Variants in PCMTD1 observed in about 807,000 individuals in gnomAD.
PCMTD1 encodes protein-L-isoaspartate (D-aspartate) O-methyltransferase domain containing 1.
PCMTD1 carries 12 observed loss-of-function variants against 37.6 expected under a neutral mutation model. That is an observed-to-expected ratio of 0.32 (90% CI 0.20 to 0.52). PCMTD1 has a LOEUF of 0.52. Ranked by LOEUF, PCMTD1 falls within the 20% of genes least tolerant of loss-of-function variation. The pLI is 0.97. For synonymous variants in PCMTD1, 117 were observed against 135.8 expected (o/e 0.86, Z 0.96); for missense variants, 235 against 421.3 (o/e 0.56, Z 3.87).
intron 2 of PCMTD1, among the ~76,000 whole-genome samples, chr8:51,857,936 G>A (rs1455441227): frequency 6.6e-6 from 1 of 152,154 alleles, no homozygotes; most frequent in African/African-American, 2.4e-5. Flanking sequence ...AAGCTGCAGT[G>A]AGCCAAGACC....
intron 3 of PCMTD1, among the ~76,000 whole-genome samples, chr8:51,838,226 C>G (rs969295724): frequency 6.6e-6 from 1 of 152,138 alleles, no homozygotes; most frequent in Non-Finnish European, 1.5e-5. Flanking sequence ...GTTCTTCACT[C>G]CTGTAATCCC....
At chr8:51,829,010 C>T (rs1281474288) in intron 5 of PCMTD1, among the ~76,000 whole-genome samples, 1 of 152,068 alleles carries the variant, frequency 6.6e-6, no homozygotes, top group African/African-American at 2.4e-5. Flanking sequence ...GGATTAAAGT[C>T]CTTTTTGTAA....
chr8:51,857,685 A>T (rs1197964155), intron 2 of PCMTD1, among the ~76,000 whole-genome samples: 4 of 152,240 alleles, frequency 2.6e-5, no homozygotes, highest in Admixed American at 6.5e-5. Context: ...AAGGAGAAGC[A>T]AACAGGACAT....
At chr8:51,885,289 G>A (rs2038850006) in intron 1 of PCMTD1, among the ~76,000 whole-genome samples, 1 of 152,086 alleles carries the variant, frequency 6.6e-6, no homozygotes. Flanking sequence ...TCGCTTCTTG[G>A]CAAAATTTTA....
chr8:51,862,979 T>A (rs2038495137), intron 1 of PCMTD1, among the ~76,000 whole-genome samples: 1 of 152,164 alleles, frequency 6.6e-6, no homozygotes, highest in Admixed American at 6.5e-5. Flanking sequence ...TCAACAGGTC[T>A]TAGCTGTGGC....
At position 51,854,959 on chromosome 8, in the gene PCMTD1, G is replaced by A. The variant is rs538756059; in HGVS notation, c.307+5886C>T. ...GGAGGCCAAGGAGGGTGGATCACCCGAAGTCGGGAGTTCGAGACGAGCCTG... is the reference window on the plus strand; with the variant it reads ...GGAGGCCAAGGAGGGTGGATCACCCAAAGTCGGGAGTTCGAGACGAGCCTG... On this transcript the variant is annotated intron_variant, in intron 2 of 5. Transcript: ENST00000522514. Among the ~76,000 whole-genome samples the A allele has an allele frequency of 2.3e-4, 35 of 151,318 alleles. No homozygotes were observed. The East Asian group carries it at 4.9e-3, about 21-fold the overall frequency.
intron 3 of PCMTD1, chr8:51,845,027 G>C (rs4565452): frequency 1.3e-5 from 2 of 152,244 alleles, no homozygotes; most frequent in African/African-American, 4.8e-5. Flanking sequence ...GGATTTCAGC[G>C]TAAGTGCTCT....
chr8:51,863,006 T>A (rs1259512075), intron 1 of PCMTD1, among the ~76,000 whole-genome samples: 1 of 149,690 alleles, frequency 6.7e-6, no homozygotes, highest in African/African-American at 2.4e-5. Context: ...ACTTGCTGAG[T>A]CCAATTGTAG....
chr8:51,886,225 C>T (rs190978133), intron 1 of PCMTD1, among the ~76,000 whole-genome samples: 30 of 152,342 alleles, frequency 2.0e-4, no homozygotes, highest in Non-Finnish European at 3.2e-4. Context: ...TATTCAAAAT[C>T]ATCATCCTCT....
intron 1 of PCMTD1, among the ~76,000 whole-genome samples, chr8:51,865,403 T>A (rs1211020906): frequency 3.9e-5 from 6 of 152,114 alleles, no homozygotes; most frequent in Non-Finnish European, 8.8e-5. Flanking sequence ...ATATCCCTGA[T>A]GAACATATCT....
chr8:51,865,194 T>A (rs951145945), intron 1 of PCMTD1, among the ~76,000 whole-genome samples: 5 of 151,980 alleles, frequency 3.3e-5, no homozygotes, highest in African/African-American at 1.2e-4. Context: ...TTAAGAAATC[T>A]CCCATCAAAG....
At chr8:51,860,611 G>C (rs2038457715) in intron 2 of PCMTD1, 1 of 402,670 alleles carries the variant, frequency 2.5e-6, no homozygotes, top group Non-Finnish European at 4.4e-6. Context: ...TTTAAGTACA[G>C]ACAATGACTA....
intron 3 of PCMTD1, among the ~76,000 whole-genome samples, chr8:51,836,774 G>A (rs11777316): frequency 0.69 from 104,534 of 152,050 alleles, 42,380 homozygotes; most frequent in Non-Finnish European, 0.9. Context: ...GAGTCTTGCT[G>A]TGTTGCCCAG....
In PCMTD1 at chr8:51,820,084, A is replaced by G. The variant is rs1227106967; in HGVS notation, c.*267T>C. 5 of 249,954 alleles carry G rather than the reference A, an allele frequency of 2.0e-5. No homozygotes were observed. Among genetic ancestry groups the G allele is most frequent in the East Asian group, 8.7e-5 (1 of 11,454 alleles). 15.5% of individuals were successfully genotyped at this position (249,954 alleles called of 1,614,324 possible). A position where few individuals can be genotyped will look rare whatever the true frequency, so the allele number is the denominator to read the frequency against. On this transcript the variant is annotated 3_prime_UTR_variant, in exon 6 of 6. Coordinates refer to ENST00000522514, the MANE Select transcript of PCMTD1 (RefSeq NM_052937.4). ...GGAATCAGAAAAGGATTTATAGTAC[A>G]CAAGTCTTGACTACTGTTGCATTCC...
At chr8:51,835,132 G>A (rs2038051472) in intron 3 of PCMTD1, among the ~76,000 whole-genome samples, 1 of 152,174 alleles carries the variant, frequency 6.6e-6, no homozygotes, top group Non-Finnish European at 1.5e-5. Flanking sequence ...CTACTCTGCA[G>A]GCAGACTGAA....
rs547030510 is a variant in PCMTD1 at position 51,888,705 on chromosome 8, A to G, written c.-96+10225T>C. ...TCATTTTTATCTAGCACCGAGTAAA[A>G]CAAATTAATGTTACTGGTAACTGAA... is the stretch of plus-strand genomic sequence containing the variant. On this transcript the variant is annotated intron_variant, in intron 1 of 5. Transcript: ENST00000522514. Among the ~76,000 whole-genome samples, 200 of 152,334 alleles carry G rather than the reference A, an allele frequency of 1.3e-3. 1 individual carries two copies. The highest frequency in any genetic ancestry group is 4.7e-3 in the African/African-American group (196 of 41,576).
intron 2 of PCMTD1, among the ~76,000 whole-genome samples, chr8:51,854,876 C>G (rs71513556): frequency 7.0e-6 from 1 of 142,584 alleles, no homozygotes; most frequent in Non-Finnish European, 1.5e-5. Flanking sequence ...CAAGACTTGT[C>G]TCAAAAAAAA....
intron 2 of PCMTD1, among the ~76,000 whole-genome samples, chr8:51,846,704 G>T (rs1322437360): frequency 6.6e-6 from 1 of 152,040 alleles, no homozygotes; most frequent in Non-Finnish European, 1.5e-5. Flanking sequence ...GTGCATATTT[G>T]GATTGTTTCT....
intron 2 of PCMTD1, among the ~76,000 whole-genome samples, chr8:51,858,974 T>A (rs1366730086): frequency 6.6e-6 from 1 of 152,158 alleles, no homozygotes. Context: ...CACAGACATC[T>A]AATCTCTTGG....
Sources: gnomAD v4.1 joint callset for allele counts (sites outside exome capture counted in the v4.1 genomes callset) on GRCh38, gnomAD v4.1.1 for gene constraint, MANE v1.5 for transcripts, NCBI Gene and HGNC (gene_info 2026-07-23, HGNC 2026-07-21) for gene names.